The following ADAM10 variants were observed in gnomAD, a reference collection of about 807,000 sequenced individuals.
ADAM10 encodes disintegrin and metalloproteinase domain-containing protein 10.
In ADAM10, 17 loss-of-function variants were observed where a neutral mutation model predicts 90.1. The observed-to-expected ratio is 0.19, with a 90% CI of 0.13 to 0.28. The LOEUF (loss-of-function observed/expected upper bound fraction) is 0.28, where lower values mean the gene tolerates loss of function less well. ADAM10 is among the 10% of genes least tolerant of loss of function. ADAM10 has a pLI of 1.00. For synonymous variants in ADAM10, 310 were observed against 298.6 expected (o/e 1.04, Z -0.40); for missense variants, 610 against 914.3 (o/e 0.67, Z 4.29).
chr15:58,670,490 T>C (rs1424820859), intron 4 of ADAM10, among the ~76,000 whole-genome samples: 2 of 152,126 alleles, frequency 1.3e-5, no homozygotes, highest in Non-Finnish European at 2.9e-5. Context: ...AAACAATCTA[T>C]ACATCCATTA....
intron 14 of ADAM10, among the ~76,000 whole-genome samples, chr15:58,604,206 C>T (rs1451145980): frequency 6.6e-6 from 1 of 151,956 alleles, no homozygotes; most frequent in Non-Finnish European, 1.5e-5. Flanking sequence ...TGCTAAAATA[C>T]AAAAATTGGC....
chr15:58,745,552 A>G (rs1595675477), intron 1 of ADAM10, among the ~76,000 whole-genome samples: 2 of 152,238 alleles, frequency 1.3e-5, no homozygotes, highest in East Asian at 3.8e-4. Flanking sequence ...CTAATGCTGA[A>G]TAAAAAGTAT....
chr15:58,616,608 C>A (rs1895623531), intron 11 of ADAM10, among the ~76,000 whole-genome samples: 2 of 152,064 alleles, frequency 1.3e-5, no homozygotes, highest in Non-Finnish European at 2.9e-5. Context: ...ACACAACATA[C>A]CAAATACTAT....
At chr15:58,741,070 T>C (rs192595064) in intron 1 of ADAM10, among the ~76,000 whole-genome samples, 93 of 152,300 alleles carry the variant, frequency 6.1e-4, no homozygotes, top group African/African-American at 1.8e-3. Context: ...CATCAAATCA[T>C]AGAGAATTCT....
chr15:58,617,179 T>C (rs1175657437), intron 11 of ADAM10, among the ~76,000 whole-genome samples: 1 of 151,902 alleles, frequency 6.6e-6, no homozygotes, highest in African/African-American at 2.4e-5. Context: ...CTTGGAAAGA[T>C]AAAATCATCA....
At chr15:58,631,790 C>G (rs1336422354) in intron 9 of ADAM10, among the ~76,000 whole-genome samples, 1 of 152,170 alleles carries the variant, frequency 6.6e-6, no homozygotes, top group Non-Finnish European at 1.5e-5. Flanking sequence ...CTCTGCTCAT[C>G]TCTAAAATTC....
intron 14 of ADAM10, among the ~76,000 whole-genome samples, chr15:58,607,431 A>G (rs1895308781): frequency 6.6e-6 from 1 of 152,190 alleles, no homozygotes; most frequent in Admixed American, 6.5e-5. Context: ...CGATTTATTT[A>G]TTGCAGGTCT....
intron 11 of ADAM10, among the ~76,000 whole-genome samples, chr15:58,615,762 C>T (rs1187426176): frequency 6.6e-6 from 1 of 152,086 alleles, no homozygotes; most frequent in Non-Finnish European, 1.5e-5. Context: ...AATGCCAGCA[C>T]TTTGGGAGGC....
chr15:58,695,152 C>T (rs997654337), intron 2 of ADAM10, among the ~76,000 whole-genome samples: 1 of 152,110 alleles, frequency 6.6e-6, no homozygotes, highest in South Asian at 2.1e-4. Context: ...TAGTTTGAGG[C>T]TGTACTCACA....
Position 58,679,262 on chromosome 15 carries a change from G to A in ADAM10, c.346C>T (p.His116Tyr). 2.5e-6 allele frequency: 4 copies of A among 1,613,894 alleles called. No individual in the cohort carries two copies. Among genetic ancestry groups the A allele is most frequent in the Non-Finnish European group, 3.4e-6 (4 of 1,179,978 alleles). ...HIYGEEGSFS[H>Y]GSVIDGRFEG... ...AATCTTCCATCAATAACAGACCCAT[G>A]GCTAAAACTTCCTTCTTCACCTATT... The change falls in exon 4 of 16, where the codon CAT (histidine) becomes TAT (tyrosine). Residue 116 changes from histidine (H) to tyrosine (Y), a missense_variant. His to Tyr is a moderately conservative substitution (Grantham distance 83). Around this residue, in one of 4 missense-constraint regions of ADAM10, gnomAD observed 310 missense variants for 362.4 expected, o/e 0.86. Transcript: ENST00000260408.
Position 58,728,713 on chromosome 15 carries a change from A to G in ADAM10, c.56-10986T>C, listed in dbSNP as rs146561548. ...AAGTTATAAAATTTCCCTAAGTTACAAAATTTTTTAAAATCCAGGATCAAA... is the reference window on the plus strand; with the variant it reads ...AAGTTATAAAATTTCCCTAAGTTACGAAATTTTTTAAAATCCAGGATCAAA... On this transcript the variant is annotated intron_variant, in intron 1 of 15. Transcript: ENST00000260408. 3.5e-3 allele frequency among the ~76,000 whole-genome samples: 536 copies of G among 152,204 alleles called. 4 individuals are homozygous for G. The highest frequency in any genetic ancestry group is 0.012 in the African/African-American group (515 of 41,452).
chr15:58,710,682 C>T (rs1376890672), intron 2 of ADAM10, among the ~76,000 whole-genome samples: 1 of 151,054 alleles, frequency 6.6e-6, no homozygotes, highest in African/African-American at 2.4e-5. Context: ...AATTTTTGCT[C>T]AAATTTTGTT....
intron 4 of ADAM10, among the ~76,000 whole-genome samples, chr15:58,676,898 C>T (rs1268671639): frequency 6.6e-6 from 1 of 152,184 alleles, no homozygotes; most frequent in African/African-American, 2.4e-5. Context: ...TGGCTGTTCT[C>T]GTGCTACAAT....
chr15:58,727,260 G>A (rs1241716584), intron 1 of ADAM10, among the ~76,000 whole-genome samples: 8 of 143,432 alleles, frequency 5.6e-5, no homozygotes, highest in Admixed American at 1.5e-4. Context: ...GCGCAATCTC[G>A]GCTCACTGCA....
chr15:58,697,157 C>G (rs1472863120), intron 2 of ADAM10, among the ~76,000 whole-genome samples: 1 of 152,190 alleles, frequency 6.6e-6, no homozygotes, highest in African/African-American at 2.4e-5. Context: ...CTGGCTGCTG[C>G]CACTGGTGCT....
intron 2 of ADAM10, chr15:58,692,573 C>T (rs754102420): frequency 5.4e-6 from 3 of 551,920 alleles, no homozygotes; most frequent in Non-Finnish European, 7.3e-6. Context: ...ATAAGACAGC[C>T]TATGAACTGA....
At chr15:58,737,264 T>C (rs1260944021) in intron 1 of ADAM10, among the ~76,000 whole-genome samples, 1 of 152,180 alleles carries the variant, frequency 6.6e-6, no homozygotes, top group Non-Finnish European at 1.5e-5. Context: ...ATTACATATA[T>C]ATTTATCTAT....
At chr15:58,744,316 T>A (rs781710534) in intron 1 of ADAM10, among the ~76,000 whole-genome samples, 3 of 152,190 alleles carry the variant, frequency 2.0e-5, no homozygotes, top group African/African-American at 7.2e-5. Context: ...ACAGAAGATT[T>A]AGAATTTATT....
chr15:58,611,452 G>A lies in ADAM10; in HGVS notation c.1696-345C>T, dbSNP rs1895434963. On this transcript the variant is annotated intron_variant, in intron 12 of 15. Coordinates refer to ENST00000260408, the MANE Select transcript of ADAM10 (RefSeq NM_001110.4). ...AAATTTTTTTCCTGTAGAGCAAAGTGATATTCAGCCACAAAAGCTTTGAAG... is the reference window on the plus strand; with the variant it reads ...AAATTTTTTTCCTGTAGAGCAAAGTAATATTCAGCCACAAAAGCTTTGAAG... 9.2e-6 allele frequency: 3 copies of A among 326,066 alleles called. 1 individual carries two copies. Among genetic ancestry groups the A allele is most frequent in the Admixed American group, 9.3e-5 (2 of 21,494 alleles). 20.2% of individuals were successfully genotyped at this position (326,066 alleles called of 1,614,324 possible).
Sources: gnomAD v4.1 joint callset for allele counts (sites outside exome capture counted in the v4.1 genomes callset) on GRCh38, gnomAD v4.1.1 for gene constraint, gnomAD v4.1.1 regional missense constraint, MANE v1.5 for transcripts, NCBI Gene and HGNC (gene_info 2026-07-23, HGNC 2026-07-21) for gene names.